MAML2: variants seen among roughly 807,000 people sequenced by gnomAD.
MAML2 encodes the protein mastermind like transcriptional coactivator 2.
In MAML2, 22 loss-of-function variants were observed where a neutral mutation model predicts 96.1. The observed-to-expected ratio is 0.23, with a 90% CI of 0.16 to 0.33. The LOEUF (loss-of-function observed/expected upper bound fraction) is 0.33. MAML2 is among the 10% of genes least tolerant of loss of function. MAML2 has a pLI of 1.00. For missense variants in MAML2, 1,367 were observed against 1,392.4 expected, an observed-to-expected ratio of 0.98 and a Z score of 0.29; for synonymous variants, 561 against 521.3, an observed-to-expected ratio of 1.08 and a Z score of -1.04.
chr11:96,102,923 C>T (rs1006948704), intron 1 of MAML2, among the ~76,000 whole-genome samples: 4 of 152,164 alleles, frequency 2.6e-5, no homozygotes, highest in Non-Finnish European at 5.9e-5. Flanking sequence ...AAAGTAAATG[C>T]TATGTCTAAA....
chr11:95,993,916 G>T (rs149744600), intron 2 of MAML2, among the ~76,000 whole-genome samples: 1 of 152,266 alleles, frequency 6.6e-6, no homozygotes, highest in East Asian at 1.9e-4. Flanking sequence ...ACAAAACAAT[G>T]AGCAAGAACT....
intron 2 of MAML2, among the ~76,000 whole-genome samples, chr11:96,014,839 C>G (rs1858317973): frequency 6.7e-6 from 1 of 150,164 alleles, no homozygotes; most frequent in African/African-American, 2.5e-5. Context: ...GAAGCAATTT[C>G]CAAATCATGG....
At position 96,120,984 on chromosome 11, in the gene MAML2, T is replaced by C. The variant is rs115139053; in HGVS notation, c.514-27467A>G. On this transcript the variant is annotated intron_variant, in intron 1 of 4. Transcript: ENST00000524717. ...AGTAATTCTAGGGCAAGTGCTGTGA[T>C]TTTGAACCTACAAGATGGGAAAATG... is the stretch of plus-strand genomic sequence containing the variant. Among the ~76,000 whole-genome samples the C allele has an allele frequency of 8.8e-3, 1,343 of 152,298 alleles. 18 individuals are homozygous for C. Among genetic ancestry groups the C allele is most frequent in the African/African-American group, 0.03 (1,238 of 41,550 alleles).
At chr11:96,108,409 G>A (rs1238018365) in intron 1 of MAML2, among the ~76,000 whole-genome samples, 1 of 151,958 alleles carries the variant, frequency 6.6e-6, no homozygotes, top group East Asian at 1.9e-4. Flanking sequence ...AGGAGTGAAC[G>A]GCATTTATTG....
At chr11:96,028,761 GA>G (rs1485563816) in intron 2 of MAML2, among the ~76,000 whole-genome samples, 1 of 152,206 alleles carries the variant, frequency 6.6e-6, no homozygotes, top group African/African-American at 2.4e-5. Flanking sequence ...AGGGCAGAGG[GA>G]AATGTGACAC....
intron 1 of MAML2, among the ~76,000 whole-genome samples, chr11:96,262,153 C>T (rs1406266373): frequency 1.3e-5 from 2 of 152,202 alleles, no homozygotes; most frequent in Middle Eastern, 3.4e-3. Flanking sequence ...TACTAAAGTT[C>T]GAGGACCACT....
chr11:96,190,223 C>T (rs1399231052), intron 1 of MAML2, among the ~76,000 whole-genome samples: 1 of 152,172 alleles, frequency 6.6e-6, no homozygotes, highest in Non-Finnish European at 1.5e-5. Context: ...GTGTTAGGCA[C>T]TGATCCAGAC....
chr11:96,254,285 T>C (rs1862630343), intron 1 of MAML2, among the ~76,000 whole-genome samples: 1 of 152,096 alleles, frequency 6.6e-6, no homozygotes, highest in Non-Finnish European at 1.5e-5. Flanking sequence ...CAAAACATCC[T>C]TTGTTGCCGG....
chr11:95,992,407 G>A (rs1343033259), intron 2 of MAML2, among the ~76,000 whole-genome samples: 2 of 152,156 alleles, frequency 1.3e-5, no homozygotes, highest in East Asian at 1.9e-4. Context: ...ATAATATTGG[G>A]TATTGGTGAA....
At chr11:96,091,150 G>T (rs1859698586) in intron 2 of MAML2, among the ~76,000 whole-genome samples, 1 of 152,138 alleles carries the variant, frequency 6.6e-6, no homozygotes, top group Non-Finnish European at 1.5e-5. Context: ...ACGATGTAAG[G>T]TTACCAGAGA....
At chr11:95,982,032 C>A (rs1857747645) in intron 4 of MAML2, among the ~76,000 whole-genome samples, 1 of 152,112 alleles carries the variant, frequency 6.6e-6, no homozygotes, top group South Asian at 2.1e-4. Flanking sequence ...GCTTTTCATA[C>A]TCCATTTTTA....
chr11:96,029,347 G>A (rs1008653659), intron 2 of MAML2, among the ~76,000 whole-genome samples: 1 of 152,022 alleles, frequency 6.6e-6, no homozygotes, highest in South Asian at 2.1e-4. Flanking sequence ...TTTTTACATC[G>A]TAAAAATGTA....
intron 1 of MAML2, among the ~76,000 whole-genome samples, chr11:96,282,025 G>A (rs371439943): frequency 8.5e-5 from 13 of 152,124 alleles, no homozygotes; most frequent in East Asian, 5.8e-4. Context: ...CGAGGCAGGC[G>A]GATCACGAGG....
chr11:96,075,387 G>A (rs1859418282), intron 2 of MAML2, among the ~76,000 whole-genome samples: 1 of 152,186 alleles, frequency 6.6e-6, no homozygotes, highest in South Asian at 2.1e-4. Flanking sequence ...CTTTAGAGAA[G>A]CTGTACTTAC....
At chr11:96,283,460 T>C (rs988174668) in intron 1 of MAML2, among the ~76,000 whole-genome samples, 2 of 152,164 alleles carry the variant, frequency 1.3e-5, no homozygotes, top group Non-Finnish European at 2.9e-5. Flanking sequence ...AAAAACAAAA[T>C]GCAGGCTTTG....
At chr11:96,238,029 A>G (rs1862388480) in intron 1 of MAML2, among the ~76,000 whole-genome samples, 1 of 152,214 alleles carries the variant, frequency 6.6e-6, no homozygotes, top group Non-Finnish European at 1.5e-5. Context: ...CCAAATTAGT[A>G]CTTAAGTGGT....
chr11:96,065,998 C>T (rs1749193685), intron 2 of MAML2, among the ~76,000 whole-genome samples: 1 of 152,170 alleles, frequency 6.6e-6, no homozygotes, highest in Non-Finnish European at 1.5e-5. Context: ...CCTTTTCTCC[C>T]CAATCTCTTC....
intron 1 of MAML2, among the ~76,000 whole-genome samples, chr11:96,326,363 G>GTA (rs1863779807): frequency 7.5e-6 from 1 of 133,842 alleles, no homozygotes; most frequent in African/African-American, 2.7e-5. Flanking sequence ...TAAAGCGTGT[G>GTA]TGTGTGTGTG....
chr11:96,260,364 C>T (rs1371924023), intron 1 of MAML2, among the ~76,000 whole-genome samples: 1 of 152,198 alleles, frequency 6.6e-6, no homozygotes, highest in Non-Finnish European at 1.5e-5. Flanking sequence ...CTCTGTCATG[C>T]CACACCCTTC....
Sources: allele counts gnomAD v4.1 joint callset (sites outside exome capture counted in the v4.1 genomes callset), GRCh38; gene constraint gnomAD v4.1.1; transcripts MANE v1.5; gene names NCBI Gene and HGNC (gene_info 2026-07-23, HGNC 2026-07-21).